Variants in LRP2 observed in about 807,000 individuals in gnomAD.
The protein encoded by LRP2 is LDL receptor related protein 2.
LRP2 carries 172 observed loss-of-function variants against 531.0 expected under a neutral mutation model. That is an observed-to-expected ratio of 0.32 (90% CI 0.29 to 0.37). LRP2 has a LOEUF of 0.37. Ranked by LOEUF, LRP2 falls within the 10% of genes least tolerant of loss-of-function variation. LRP2 has a pLI of 1.00. For missense variants in LRP2, 5,167 were observed against 5,868.3 expected (o/e 0.88, Z 3.90); for synonymous variants, 1,992 against 2,027.6 (o/e 0.98, Z 0.47).
intron 9 of LRP2, among the ~76,000 whole-genome samples, chr2:169,286,492 G>C (rs1393160677): frequency 6.6e-6 from 1 of 152,168 alleles, no homozygotes; most frequent in Non-Finnish European, 1.5e-5. Context: ...TTCACTAGTA[G>C]GTTAAATGCA....
At chr2:169,291,115 T>C in intron 7 of LRP2, 118 bp from the exon 8 acceptor site, 2 of 847,916 alleles carry the variant, frequency 2.4e-6, no homozygotes, top group African/African-American at 3.4e-5. Context: ...ATAAATGATC[T>C]ACATTTTACA....
chr2:169,361,330 G>GTC (rs1405262223), intron 1 of LRP2, among the ~76,000 whole-genome samples: 1 of 32,180 alleles, frequency 3.1e-5, no homozygotes, highest in Non-Finnish European at 6.5e-5. Context: ...GTCTCTCTCT[G>GTC]TCTCTCTCTG....
At chr2:169,176,833 T>C (rs1687213370) in intron 53 of LRP2, among the ~76,000 whole-genome samples, 1 of 152,228 alleles carries the variant, frequency 6.6e-6, no homozygotes, top group East Asian at 1.9e-4. Flanking sequence ...CTGGTGTTTC[T>C]GACTAGAAAA....
chr2:169,239,807 A>G, intron 25 of LRP2, 32 bp from the exon 26 acceptor site: 1 of 1,579,660 alleles, frequency 6.3e-7, no homozygotes, highest in Non-Finnish European at 8.7e-7. Context: ...ATGAAAAAAG[A>G]AAATCAAGAA....
In LRP2 at chr2:169,196,989, C is replaced by A; in HGVS notation, c.8620G>T (p.Gly2874Trp). The A allele has an allele frequency of 6.2e-7, 1 of 1,614,110 alleles. No homozygotes were observed. The highest frequency in any genetic ancestry group is 8.5e-7 in the Non-Finnish European group (1 of 1,180,002). Residue 2874 changes from glycine (G) to tryptophan (W), a missense_variant, in exon 46 of 79, where the codon GGG becomes TGG. By Grantham distance (184) the Gly-to-Trp change is radical (BLOSUM62 -2). Coordinates refer to ENST00000649046, the MANE Select transcript of LRP2 (RefSeq NM_004525.3). ...CSSSEFQCAS[G>W]RCIPQHWYCD... Reference sequence around the variant, plus strand: ...TACCAATGTTGAGGAATACAGCGCCCAGATGCGCATTGGAACTCACTGCTG... The same window carrying A: ...TACCAATGTTGAGGAATACAGCGCCAAGATGCGCATTGGAACTCACTGCTG...
Position 169,172,075 on chromosome 2 carries a change from G to C in LRP2, c.11203C>G (p.Leu3735Val), listed in dbSNP as rs755720299. 3 of 1,614,068 alleles carry C rather than the reference G, an allele frequency of 1.9e-6. No individual in the cohort carries two copies. The African/African-American group carries it at 4.0e-5, about 22-fold the overall frequency. The change falls in exon 58 of 79, where the codon CTT (leucine) becomes GTT (valine). Residue 3735 changes from leucine to valine, a missense_variant. Leu to Val is a conservative substitution (Grantham distance 32). This residue lies in a region of LRP2 where 311 missense variants were observed against 309.4 expected (regional missense o/e 1.01). Coordinates refer to ENST00000649046, the MANE Select transcript of LRP2 (RefSeq NM_004525.3). ...TTTTGCCCATCACACTGCCAACGAA[G>C]AGGGATGCAGTGGTGATTTTTACAG... ...FRCKNHHCIP[L>V]RWQCDGQNDC...
At chr2:169,130,540 C>T (rs1316448602) in intron 77 of LRP2, among the ~76,000 whole-genome samples, 8 of 152,184 alleles carry the variant, frequency 5.3e-5, no homozygotes, top group African/African-American at 9.7e-5. Context: ...CCCACCTCGG[C>T]CTCCCAAAGA....
chr2:169,246,977 G>A lies in LRP2; in HGVS notation c.2918C>T (p.Ala973Val), dbSNP rs766891128. 1.2e-5 allele frequency: 19 copies of A among 1,613,954 alleles called. No homozygotes were observed. Among genetic ancestry groups the A allele is most frequent in the Non-Finnish European group, 1.6e-5 (19 of 1,180,014 alleles). Reference protein sequence around the residue: ...YDVNIQTGSNACNQPTHPNGD... With the variant: ...YDVNIQTGSNVCNQPTHPNGD... The stretch of plus-strand genomic sequence containing the variant: ...GTTAGGATGCGTGGGTTGATTACAG[G>A]CGTTAGAACCTGCAAAAGCAAAGCC... Residue 973 changes from alanine to valine, a missense_variant, in exon 21 of 79, where the codon GCC (alanine) becomes GTC (valine). Physicochemically the swap from Ala to Val is moderately conservative, Grantham distance 64. Coordinates refer to ENST00000649046, the MANE Select transcript of LRP2 (RefSeq NM_004525.3).
chr2:169,155,761 C>T (rs1297049875), intron 65 of LRP2, among the ~76,000 whole-genome samples: 1 of 152,178 alleles, frequency 6.6e-6, no homozygotes, highest in Non-Finnish European at 1.5e-5. Context: ...CTGTGCCAGA[C>T]TCCTTTCTGC....
At chr2:169,325,120 T>C (rs1685014579) in intron 1 of LRP2, among the ~76,000 whole-genome samples, 1 of 152,090 alleles carries the variant, frequency 6.6e-6, no homozygotes, top group African/African-American at 2.4e-5. Flanking sequence ...TTCATTCTTT[T>C]ACCCGTTCCT....
At chr2:169,174,332 T>G (rs1268885321) in intron 55 of LRP2, among the ~76,000 whole-genome samples, 168 bp from the exon 56 acceptor site, 2 of 152,228 alleles carry the variant, frequency 1.3e-5, no homozygotes, top group Non-Finnish European at 2.9e-5. Context: ...TTCTTTTGAC[T>G]ATTACTGTCT....
chr2:169,267,337 T>C (rs1490448727), intron 16 of LRP2, among the ~76,000 whole-genome samples: 2 of 152,080 alleles, frequency 1.3e-5, no homozygotes, highest in Non-Finnish European at 2.9e-5. Flanking sequence ...TATTCCAAAA[T>C]TGACCACATA....
chr2:169,234,197 G>C (rs1689518731), intron 29 of LRP2, among the ~76,000 whole-genome samples: 1 of 152,048 alleles, frequency 6.6e-6, no homozygotes, highest in Admixed American at 6.6e-5. Flanking sequence ...TGTTACATAG[G>C]TATACATGTG....
rs571536076 is a variant in LRP2 at position 169,355,111 on chromosome 2, C to T, written c.79+7210G>A. On this transcript the variant is annotated intron_variant, in intron 1 of 78. Coordinates refer to ENST00000649046, the MANE Select transcript of LRP2 (RefSeq NM_004525.3). Reference sequence around the variant, plus strand: ...GAACTTTCCTGTCTATCACAAAGCTCTGCTCCAAATAAGAAAACTTTAGGA... The same window carrying T: ...GAACTTTCCTGTCTATCACAAAGCTTTGCTCCAAATAAGAAAACTTTAGGA... Among the ~76,000 whole-genome samples, 10 of 152,342 alleles carry T rather than the reference C, an allele frequency of 6.6e-5. 1 individual carries two copies. In the South Asian group the frequency reaches 2.1e-3, roughly 32 times the overall value.
chr2:169,212,329 C>G, intron 36 of LRP2, 122 bp from the exon 37 acceptor site: 1 of 1,251,410 alleles, frequency 8.0e-7, no homozygotes, highest in Non-Finnish European at 1.1e-6. Flanking sequence ...CATATAGTAG[C>G]TGAGTTAGCA....
chr2:169,225,343 A>C lies in LRP2; in HGVS notation c.5505T>G (p.Leu1835=). Reference sequence around the variant, plus strand: ...ACTGAGTTCTAGGATTGGTAGAATAAAGGTTTCTTGAAATCCAATCTAAGG... The same window carrying C: ...ACTGAGTTCTAGGATTGGTAGAATACAGGTTTCTTGAAATCCAATCTAAGG... The part of the protein sequence containing the change: ...NLALDWISRN[L]YSTNPRTQSI... The change falls in exon 33 of 79, where the codon CTT becomes CTG. Residue 1835 remains leucine, a synonymous_variant. Transcript: ENST00000649046. The C allele has an allele frequency of 1.9e-6, 3 of 1,613,966 alleles. No homozygotes were observed. Among genetic ancestry groups the C allele is most frequent in the Non-Finnish European group, 2.5e-6 (3 of 1,179,908 alleles).
chr2:169,298,604 AC>A (rs1401296042), intron 4 of LRP2, among the ~76,000 whole-genome samples: 2 of 152,054 alleles, frequency 1.3e-5, no homozygotes, highest in Non-Finnish European at 2.9e-5. Context: ...AAAAGAAGAA[AC>A]CCAAGAGGAA....
chr2:169,205,855 G>A (rs1000680344), intron 40 of LRP2, among the ~76,000 whole-genome samples, 168 bp downstream of exon 40: 9 of 152,158 alleles, frequency 5.9e-5, no homozygotes, highest in Non-Finnish European at 1.3e-4. Flanking sequence ...GGAGCTATGC[G>A]CTGCACCCTC....
chr2:169,237,018 A>T, intron 28 of LRP2, 85 bp downstream of exon 28: 2 of 1,166,770 alleles, frequency 1.7e-6, no homozygotes, highest in South Asian at 2.5e-5. Context: ...TATCAGCAAC[A>T]TGCATATCAG....
Sources: allele counts gnomAD v4.1 joint callset (sites outside exome capture counted in the v4.1 genomes callset), GRCh38; gene constraint gnomAD v4.1.1; regional missense constraint gnomAD v4.1.1; transcripts MANE v1.5; gene names NCBI Gene and HGNC (gene_info 2026-07-23, HGNC 2026-07-21).